SPOCK3: variants seen among roughly 807,000 people sequenced by gnomAD.
SPOCK3 encodes testican-3.
SPOCK3 carries 30 observed loss-of-function variants against 56.6 expected under a neutral mutation model. The observed-to-expected ratio is 0.53, with a 90% CI of 0.40 to 0.72. The LOEUF (loss-of-function observed/expected upper bound fraction) is 0.72. Ranked by LOEUF, SPOCK3 falls within the 30% of genes least tolerant of loss-of-function variation. The probability of loss-of-function intolerance (pLI) is 0.00; values close to 1 mark genes in which losing one functional copy is unlikely to be tolerated. For missense variants in SPOCK3, 527 were observed against 530.0 expected (o/e 0.99, Z 0.06); for synonymous variants, 196 against 183.3 (o/e 1.07, Z -0.56).
At chr4:167,093,277 CAG>C (rs1249053190) in intron 2 of SPOCK3, among the ~76,000 whole-genome samples, 1 of 152,072 alleles carries the variant, frequency 6.6e-6, no homozygotes, top group African/African-American at 2.4e-5. Flanking sequence ...AACCAATTAA[CAG>C]AATATATCCC....
intron 2 of SPOCK3, among the ~76,000 whole-genome samples, chr4:167,219,894 T>C (rs187814124): frequency 1.8e-4 from 28 of 152,284 alleles, no homozygotes; most frequent in Admixed American, 1.7e-3. Flanking sequence ...TCATAATATC[T>C]TAAATGAAAT....
chr4:167,103,060 T>C (rs1306910810), intron 2 of SPOCK3, among the ~76,000 whole-genome samples: 1 of 151,304 alleles, frequency 6.6e-6, no homozygotes, highest in Non-Finnish European at 1.5e-5. Flanking sequence ...CCATTCCAGG[T>C]ACTAGCTCCC....
At chr4:166,844,960 GAT>G (rs1181084059) in intron 6 of SPOCK3, among the ~76,000 whole-genome samples, 18 of 152,136 alleles carry the variant, frequency 1.2e-4, no homozygotes. Flanking sequence ...TTTCTTTGTT[GAT>G]ATTTGGATTG....
chr4:167,143,748 C>T (rs1464801130), intron 2 of SPOCK3, among the ~76,000 whole-genome samples: 1 of 151,986 alleles, frequency 6.6e-6, no homozygotes, highest in Non-Finnish European at 1.5e-5. Context: ...TCAGGCACTG[C>T]TCACCACCTC....
chr4:167,032,246 T>C (rs1481800716), intron 3 of SPOCK3, among the ~76,000 whole-genome samples: 1 of 151,978 alleles, frequency 6.6e-6, no homozygotes, highest in African/African-American at 2.4e-5. Context: ...ACATATGATT[T>C]AATTCCTCAG....
At chr4:167,088,461 CTTTTTTTT>C (rs538566191) in intron 2 of SPOCK3, among the ~76,000 whole-genome samples, 1 of 111,150 alleles carries the variant, frequency 9.0e-6, no homozygotes, top group Admixed American at 1.0e-4. Flanking sequence ...CCTATGAAAA[CTTTTTTTT>C]TTTTTTTTTT....
intron 7 of SPOCK3, among the ~76,000 whole-genome samples, chr4:166,790,094 T>C: frequency 6.6e-6 from 1 of 151,504 alleles, no homozygotes; most frequent in Admixed American, 6.6e-5. Context: ...GCTTCTTTGC[T>C]TCATTCATTC....
At chr4:167,022,589 C>G (rs1236915886) in intron 3 of SPOCK3, among the ~76,000 whole-genome samples, 4 of 151,980 alleles carry the variant, frequency 2.6e-5, no homozygotes. Context: ...GAAAAAGATA[C>G]AATTGAAAGT....
intron 6 of SPOCK3, among the ~76,000 whole-genome samples, chr4:166,879,414 T>C (rs770482215): frequency 2.0e-5 from 3 of 152,100 alleles, no homozygotes; most frequent in African/African-American, 4.8e-5. Flanking sequence ...CGTGCACTTA[T>C]AGTTCTAGCT....
intron 4 of SPOCK3, among the ~76,000 whole-genome samples, chr4:166,939,329 T>C (rs2150012242): frequency 6.6e-6 from 1 of 152,264 alleles, no homozygotes; most frequent in African/African-American, 2.4e-5. Flanking sequence ...ACATATTTAC[T>C]TATTATTTAT....
At chr4:167,086,465 G>T (rs1347804719) in intron 2 of SPOCK3, among the ~76,000 whole-genome samples, 2 of 152,040 alleles carry the variant, frequency 1.3e-5, no homozygotes, top group Non-Finnish European at 2.9e-5. Context: ...AGACTAAAAA[G>T]GATCTGGCTT....
intron 6 of SPOCK3, among the ~76,000 whole-genome samples, chr4:166,840,623 C>T (rs1560915527): frequency 6.6e-6 from 1 of 152,028 alleles, no homozygotes; most frequent in Non-Finnish European, 1.5e-5. Flanking sequence ...TCACCTATTC[C>T]TTGGTTCCTG....
intron 4 of SPOCK3, among the ~76,000 whole-genome samples, chr4:166,975,659 T>A (rs2150082152): frequency 6.6e-6 from 1 of 152,252 alleles, no homozygotes; most frequent in Admixed American, 6.5e-5. Context: ...CATCTCCTAC[T>A]TCCCCACTAT....
At chr4:167,130,899 T>C (rs1762651685) in intron 2 of SPOCK3, among the ~76,000 whole-genome samples, 1 of 152,148 alleles carries the variant, frequency 6.6e-6, no homozygotes, top group South Asian at 2.1e-4. Context: ...ATGTCTTAAT[T>C]CCAGAGGGAA....
At chr4:167,158,366 G>A (rs905950510) in intron 2 of SPOCK3, among the ~76,000 whole-genome samples, 61 of 152,024 alleles carry the variant, frequency 4.0e-4, no homozygotes, top group African/African-American at 1.5e-3. Context: ...ATATTAAAAT[G>A]TCATGCCTGG....
At chr4:167,100,419 C>G (rs894454064) in intron 2 of SPOCK3, among the ~76,000 whole-genome samples, 1 of 151,544 alleles carries the variant, frequency 6.6e-6, no homozygotes, top group African/African-American at 2.4e-5. Flanking sequence ...CTCTCTCTCT[C>G]TCTTCTCTCT....
intron 2 of SPOCK3, among the ~76,000 whole-genome samples, chr4:167,086,708 T>C (rs1442548917): frequency 6.6e-6 from 1 of 152,120 alleles, no homozygotes; most frequent in African/African-American, 2.4e-5. Context: ...GATGAAAATA[T>C]TCACTTTCTA....
At chr4:167,023,516 G>A (rs1023783107) in intron 3 of SPOCK3, among the ~76,000 whole-genome samples, 3 of 151,982 alleles carry the variant, frequency 2.0e-5, no homozygotes, top group Non-Finnish European at 4.4e-5. Flanking sequence ...AGAGTAAGGG[G>A]GTGGAGGTAT....
intron 3 of SPOCK3, among the ~76,000 whole-genome samples, chr4:167,024,556 G>A (rs769194208): frequency 2.0e-5 from 3 of 152,042 alleles, no homozygotes; most frequent in Non-Finnish European, 4.4e-5. Flanking sequence ...TGGGCAAGAT[G>A]TAAACAAACT....
Sources: gnomAD v4.1 joint callset for allele counts (sites outside exome capture counted in the v4.1 genomes callset) on GRCh38, gnomAD v4.1.1 for gene constraint, MANE v1.5 for transcripts, NCBI Gene and HGNC (gene_info 2026-07-23, HGNC 2026-07-21) for gene names.